MMP16: variants seen among roughly 807,000 people sequenced by gnomAD.
MMP16 encodes matrix metallopeptidase 16.
MMP16 carries 12 observed loss-of-function variants against 67.8 expected under a neutral mutation model. The ratio of observed to expected loss-of-function variants is 0.18; its 90% CI spans 0.11 to 0.29. The LOEUF is 0.29. Among genes scored for constraint, MMP16 ranks in the 10% least tolerant of loss-of-function variants. The pLI is 1.00. For missense variants in MMP16, 475 were observed against 765.7 expected, an observed-to-expected ratio of 0.62 and a Z score of 4.48; for synonymous variants, 249 against 255.9, an observed-to-expected ratio of 0.97 and a Z score of 0.26.
At chr8:88,308,324 T>C (rs541414560) in intron 1 of MMP16, among the ~76,000 whole-genome samples, 1 of 152,196 alleles carries the variant, frequency 6.6e-6, no homozygotes, top group Non-Finnish European at 1.5e-5. Flanking sequence ...GTAGGAGGCA[T>C]CACATGTGAA....
At chr8:88,172,590 A>T (rs1808823701) in intron 3 of MMP16, among the ~76,000 whole-genome samples, 1 of 152,202 alleles carries the variant, frequency 6.6e-6, no homozygotes, top group Non-Finnish European at 1.5e-5. Context: ...TGCAGAATAA[A>T]AGACACTGAC....
At chr8:88,271,075 A>G (rs1810555678) in intron 1 of MMP16, among the ~76,000 whole-genome samples, 1 of 152,222 alleles carries the variant, frequency 6.6e-6, no homozygotes, top group Non-Finnish European at 1.5e-5. Flanking sequence ...GTTTTAGAGT[A>G]TGGTTTAAAT....
At chr8:88,276,480 T>G (rs1045646305) in intron 1 of MMP16, among the ~76,000 whole-genome samples, 1 of 152,268 alleles carries the variant, frequency 6.6e-6, no homozygotes, top group African/African-American at 2.4e-5. Context: ...TTTGTATTTA[T>G]GCAAATGTTC....
intron 7 of MMP16, among the ~76,000 whole-genome samples, chr8:88,065,705 A>G (rs1311318287): frequency 6.6e-6 from 1 of 152,100 alleles, no homozygotes; most frequent in East Asian, 1.9e-4. Flanking sequence ...TTATTGTACT[A>G]TGTAAGAAAC....
At position 88,061,927 on chromosome 8, in the gene MMP16, A is replaced by G. The variant is rs368507365; in HGVS notation, c.1223-5649T>C. 3.3e-4 allele frequency among the ~76,000 whole-genome samples: 50 copies of G among 151,678 alleles called. No individual in the cohort carries two copies. The South Asian group carries it at 9.8e-3, about 30-fold the overall frequency. ...TTAACCTGCTAGGAAAAATGTACTTATATTCCCTTTATGAAAACAAAGCAA... is the reference window on the plus strand; with the variant it reads ...TTAACCTGCTAGGAAAAATGTACTTGTATTCCCTTTATGAAAACAAAGCAA... On this transcript the variant is annotated intron_variant, in intron 7 of 9. Transcript: ENST00000286614.
chr8:88,230,075 A>C (rs544921816), intron 1 of MMP16, among the ~76,000 whole-genome samples: 20 of 152,300 alleles, frequency 1.3e-4, no homozygotes, highest in Admixed American at 1.3e-3. Flanking sequence ...GTCACATACC[A>C]TGGAAATGCC....
intron 1 of MMP16, among the ~76,000 whole-genome samples, chr8:88,326,320 T>G (rs750348356): frequency 5.9e-5 from 9 of 152,322 alleles, no homozygotes; most frequent in Non-Finnish European, 1.2e-4. Flanking sequence ...TTTTGCTTTG[T>G]GCCGTCTGTT....
chr8:88,067,278 T>C (rs1808475194), intron 7 of MMP16, among the ~76,000 whole-genome samples: 1 of 152,042 alleles, frequency 6.6e-6, no homozygotes, highest in South Asian at 2.1e-4. Context: ...AAAACTGAAA[T>C]AGTATTAATT....
intron 1 of MMP16, among the ~76,000 whole-genome samples, chr8:88,291,384 A>G (rs764607320): frequency 3.3e-5 from 5 of 152,192 alleles, no homozygotes; most frequent in Non-Finnish European, 5.9e-5. Flanking sequence ...TAGAAGCCCA[A>G]ATTAACATAG....
chr8:88,314,598 T>G (rs1811348889), intron 1 of MMP16, among the ~76,000 whole-genome samples: 1 of 152,154 alleles, frequency 6.6e-6, no homozygotes. Context: ...GCTAATTATT[T>G]TTCATAACTG....
intron 4 of MMP16, among the ~76,000 whole-genome samples, chr8:88,130,690 C>T (rs747108672): frequency 9.3e-5 from 14 of 151,250 alleles, no homozygotes; most frequent in Non-Finnish European, 1.6e-4. Flanking sequence ...TTCAAATGTT[C>T]TGAGGAATGT....
At chr8:88,188,584 G>T (rs751928867) in intron 2 of MMP16, among the ~76,000 whole-genome samples, 2 of 151,894 alleles carry the variant, frequency 1.3e-5, no homozygotes, top group African/African-American at 2.4e-5. Flanking sequence ...AATGAAGGCA[G>T]TAATGTCATG....
intron 1 of MMP16, among the ~76,000 whole-genome samples, chr8:88,241,892 T>G (rs1810039495): frequency 6.6e-6 from 1 of 152,120 alleles, no homozygotes; most frequent in Admixed American, 6.5e-5. Context: ...TACCATAAAT[T>G]ATTAAGTACT....
At chr8:88,254,438 T>C (rs946356079) in intron 1 of MMP16, among the ~76,000 whole-genome samples, 1 of 149,584 alleles carries the variant, frequency 6.7e-6, no homozygotes, top group African/African-American at 2.5e-5. Context: ...AACCTGCATA[T>C]ATACCCCTGA....
At position 88,067,908 on chromosome 8, in the gene MMP16, T is replaced by G. The variant is rs552025004; in HGVS notation, c.1222+6697A>C. 4.6e-5 allele frequency among the ~76,000 whole-genome samples: 7 copies of G among 152,298 alleles called. No individual in the cohort carries two copies. In the South Asian group the frequency reaches 1.2e-3, roughly 27 times the overall value. On this transcript the variant is annotated intron_variant, in intron 7 of 9. Transcript: ENST00000286614. ...TAGAGGTCTTTGATTACACATAAGT[T>G]TTCATTTTTCTTGGGAAAATACCAA...
intron 1 of MMP16, among the ~76,000 whole-genome samples, chr8:88,300,718 AT>A (rs1317496502): frequency 6.6e-6 from 1 of 152,192 alleles, no homozygotes; most frequent in Middle Eastern, 3.2e-3. Flanking sequence ...TAGGGAACTT[AT>A]CCCATGAAGA....
At chr8:88,218,072 A>T (rs1020718696) in intron 1 of MMP16, among the ~76,000 whole-genome samples, 1 of 151,958 alleles carries the variant, frequency 6.6e-6, no homozygotes, top group South Asian at 2.1e-4. Context: ...AGATCTTCTG[A>T]CTTCTACTCT....
chr8:88,142,815 C>G (rs1563544270), intron 4 of MMP16, among the ~76,000 whole-genome samples: 1 of 151,918 alleles, frequency 6.6e-6, no homozygotes, highest in Non-Finnish European at 1.5e-5. Context: ...CCACCCTACA[C>G]GTTAAAAAAG....
At chr8:88,074,311 C>T (rs17663614) in intron 7 of MMP16, among the ~76,000 whole-genome samples, 13,376 of 152,106 alleles carry the variant, frequency 0.088, 834 homozygotes, top group Middle Eastern at 0.17. Flanking sequence ...AACAAACAAA[C>T]CTTTAGTCAG....
Sources: gnomAD v4.1 joint callset for allele counts (sites outside exome capture counted in the v4.1 genomes callset) on GRCh38, gnomAD v4.1.1 for gene constraint, MANE v1.5 for transcripts, NCBI Gene and HGNC (gene_info 2026-07-23, HGNC 2026-07-21) for gene names.